POMT1: variants seen among roughly 807,000 people sequenced by gnomAD.
The protein encoded by POMT1 is protein O-mannosyl-transferase 1.
A neutral mutation model predicts 101.6 loss-of-function variants in POMT1; 85 were observed. The observed-to-expected ratio is 0.84, with a 90% confidence interval of 0.70 to 1.00. The LOEUF is 1.00. POMT1 is among the 50% of genes least tolerant of loss of function. The probability of loss-of-function intolerance (pLI) is 0.00; values close to 1 mark genes in which losing one functional copy is unlikely to be tolerated. For synonymous variants in POMT1, 371 were observed against 383.0 expected, an observed-to-expected ratio of 0.97 and a Z score of 0.37; for missense variants, 857 against 930.4, an observed-to-expected ratio of 0.92 and a Z score of 1.03.
chr9:131,513,512 G>C (rs549992033), intron 12 of POMT1, among the ~76,000 whole-genome samples, 181 bp downstream of exon 12: 17 of 152,310 alleles, frequency 1.1e-4, no homozygotes, highest in Middle Eastern at 3.4e-3. Flanking sequence ...CCGCGGAAGG[G>C]AGCGGGGTTA....
intron 4 of POMT1, 80 bp downstream of exon 4, chr9:131,506,533 T>G (rs1399232514): frequency 1.4e-6 from 2 of 1,396,504 alleles, no homozygotes; most frequent in Non-Finnish European, 2.0e-6. Context: ...GATTAACAAC[T>G]GTGGCTTTTT....
At chr9:131,513,599 G>A (rs1947616934) in intron 12 of POMT1, among the ~76,000 whole-genome samples, 2 of 152,202 alleles carry the variant, frequency 1.3e-5, no homozygotes, top group Non-Finnish European at 2.9e-5. Flanking sequence ...AGGGCCCCGT[G>A]GATGAGTGTA....
intron 9 of POMT1, 36 bp downstream of exon 9, chr9:131,510,451 G>T: frequency 6.3e-7 from 1 of 1,599,066 alleles, no homozygotes; most frequent in South Asian, 1.1e-5. Flanking sequence ...CACTGGAGAA[G>T]GAAGATGATA....
chr9:131,518,983 G>A (rs372760953), intron 15 of POMT1, 26 bp downstream of exon 15: 74 of 1,612,654 alleles, frequency 4.6e-5, no homozygotes, highest in Non-Finnish European at 5.3e-5. Flanking sequence ...GGCTTCCGCC[G>A]CTCCTGGAAT....
chr9:131,522,989 G>GT lies in POMT1; in HGVS notation c.2062dup (p.Cys688LeufsTer21). On this transcript the variant is annotated frameshift_variant, in exon 20 of 20. Transcript: ENST00000402686. LOFTEE classifies it high-confidence loss of function. This position sits in a 1 kb window ranked among gnomAD's most constrained non-coding sequence, Gnocchi z 5.5. ...TGGTGGTGGCCTGGTACTCCTCCGC[G>GT]TGCCACGTGTCCAACACGCTGCGCC... The GT allele has an allele frequency of 6.2e-7, 1 of 1,606,914 alleles. No homozygotes were observed. The highest frequency in any genetic ancestry group is 1.3e-5 in the African/African-American group (1 of 74,934).
intron 5 of POMT1, 103 bp downstream of exon 5, chr9:131,507,617 T>G: frequency 1.3e-6 from 2 of 1,515,794 alleles, no homozygotes; most frequent in Non-Finnish European, 1.8e-6. Flanking sequence ...CACCAGAAAG[T>G]GCATCTGGTT....
Position 131,519,277 on chromosome 9 carries a change from G to C in POMT1, c.1487-112G>C. 2 of 1,070,744 alleles carry C rather than the reference G, an allele frequency of 1.9e-6. No individual in the cohort carries two copies. The highest frequency in any genetic ancestry group is 2.7e-5 in the South Asian group (2 of 74,052). The allele number at this position is 1,070,744 out of a possible 1,614,324, so 66.3% of individuals were successfully genotyped here. A position where few individuals can be genotyped will look rare whatever the true frequency, so the allele number is the denominator to read the frequency against. On this transcript the variant is annotated intron_variant, in intron 15 of 19. Coordinates refer to ENST00000402686, the MANE Select transcript of POMT1 (RefSeq NM_001077365.2). This position sits in a 1 kb window ranked among gnomAD's most constrained non-coding sequence, Gnocchi z 4.3. ...AAGTGGAATGATGCGGTTCGATAAG[G>C]GGTCTTTGTTAGAAAGGCAGGAAGC...
intron 1 of POMT1, 56 bp from the exon 2 acceptor site, chr9:131,504,133 C>A: frequency 6.2e-7 from 1 of 1,604,322 alleles, no homozygotes. Flanking sequence ...GCTGGGGATC[C>A]CTTCTGTAGC....
intron 6 of POMT1, 100 bp from the exon 7 acceptor site, chr9:131,509,643 C>T: frequency 6.2e-7 from 1 of 1,607,298 alleles, no homozygotes; most frequent in Non-Finnish European, 8.5e-7. Flanking sequence ...GCATGGCCAG[C>T]CGACCCAGAA....
At chr9:131,516,378 A>G (rs556754064) in intron 13 of POMT1, among the ~76,000 whole-genome samples, 5 of 60,300 alleles carry the variant, frequency 8.3e-5, no homozygotes, top group East Asian at 1.5e-3. Flanking sequence ...TTCCTCTAAC[A>G]GAACACTTCC....
chr9:131,504,115 G>C, intron 1 of POMT1, 74 bp from the exon 2 acceptor site: 1 of 1,567,082 alleles, frequency 6.4e-7, no homozygotes, highest in South Asian at 1.1e-5. Flanking sequence ...GTGTCCGGGA[G>C]CCGGGTGGCT....
intron 13 of POMT1, among the ~76,000 whole-genome samples, chr9:131,517,494 T>C (rs974317717): frequency 6.6e-6 from 1 of 152,172 alleles, no homozygotes; most frequent in South Asian, 2.1e-4. Flanking sequence ...TCCAGGCTGG[T>C]CTTGAACTCC....
rs529709856 is a variant in POMT1 at position 131,522,750 on chromosome 9, G to A, written c.2004-182G>A. Among the ~76,000 whole-genome samples the A allele has an allele frequency of 6.6e-6, 1 of 152,258 alleles. No individual in the cohort carries two copies. The highest frequency in any genetic ancestry group is 1.9e-4 in the East Asian group (1 of 5,184). On this transcript the variant is annotated intron_variant, in intron 19 of 19. Coordinates refer to ENST00000402686, the MANE Select transcript of POMT1 (RefSeq NM_001077365.2). The surrounding 1 kb of genome is among the most constrained non-coding windows in gnomAD (Gnocchi z 5.5). ...TGGAGGCCTGAGGAGTCATCAGGGG[G>A]CCCCTCTCAGTGCATCCAGGTGGGA... is the stretch of plus-strand genomic sequence containing the variant.
chr9:131,522,318 C>T lies in POMT1; in HGVS notation c.2003+94C>T. The T allele has an allele frequency of 6.3e-7, 1 of 1,578,064 alleles. No homozygotes were observed. The highest frequency in any genetic ancestry group is 8.6e-7 in the Non-Finnish European group (1 of 1,167,270). The stretch of plus-strand genomic sequence containing the variant: ...AACACATGGGGTGCAGCGAACCTCA[C>T]CCATTTCACGTTACACTGACATCCT... On this transcript the variant is annotated intron_variant, in intron 19 of 19. Coordinates refer to ENST00000402686, the MANE Select transcript of POMT1 (RefSeq NM_001077365.2). The surrounding 1 kb of genome is among the most constrained non-coding windows in gnomAD (Gnocchi z 5.5).
chr9:131,520,318 G>C lies in POMT1; in HGVS notation c.1698+125G>C, dbSNP rs1488093971. On this transcript the variant is annotated intron_variant, in intron 17 of 19. Coordinates refer to ENST00000402686, the MANE Select transcript of POMT1 (RefSeq NM_001077365.2). ...TTTCTCCCAAGCTTTTCCTGACAAA[G>C]GCCTGTGACTTGGTTTTCTCTAAAC... The C allele has an allele frequency of 9.9e-5, 85 of 861,190 alleles. 1 individual carries two copies. The Admixed American group carries it at 1.7e-3, about 17-fold the overall frequency. 53.3% of individuals were successfully genotyped at this position (861,190 alleles called of 1,614,324 possible). A position where few individuals can be genotyped will look rare whatever the true frequency, so the allele number is the denominator to read the frequency against.
chr9:131,516,635 C>T (rs1359619275), intron 13 of POMT1: 1 of 152,630 alleles, frequency 6.6e-6, no homozygotes, highest in Non-Finnish European at 1.5e-5. Context: ...CTTGGTGGAA[C>T]TGGGGAACCT....
Position 131,523,675 on chromosome 9 carries a change from C to T in POMT1, c.*569C>T, listed in dbSNP as rs895531128. 5.4e-5 allele frequency: 9 copies of T among 166,282 alleles called. No homozygotes were observed. Among genetic ancestry groups the T allele is most frequent in the Admixed American group, 5.0e-4 (9 of 18,178 alleles). 10.3% of individuals were successfully genotyped at this position (166,282 alleles called of 1,614,324 possible). A position where few individuals can be genotyped will look rare whatever the true frequency, so the allele number is the denominator to read the frequency against. ...TGGCACCGTGCTGTGTGGAAACCCT[C>T]CCCTCTGAGACTCCACTGAGACGTG... On this transcript the variant is annotated 3_prime_UTR_variant, in exon 20 of 20. Coordinates refer to ENST00000402686, the MANE Select transcript of POMT1 (RefSeq NM_001077365.2).
intron 1 of POMT1, 126 bp from the exon 2 acceptor site, chr9:131,504,063 C>T (rs1229735895): frequency 2.7e-6 from 3 of 1,123,488 alleles, no homozygotes; most frequent in Non-Finnish European, 4.0e-6. Context: ...CCAGGAACTT[C>T]GGTCTTTCTC....
At chr9:131,507,265 T>G in intron 4 of POMT1, 103 bp from the exon 5 acceptor site, 4 of 1,569,574 alleles carry the variant, frequency 2.5e-6, no homozygotes, top group Non-Finnish European at 3.5e-6. Flanking sequence ...ACGTGCATTT[T>G]AGAGTCTGTG....
Sources: allele counts gnomAD v4.1 joint callset (sites outside exome capture counted in the v4.1 genomes callset), GRCh38; gene constraint gnomAD v4.1.1; non-coding constraint Gnocchi (gnomAD v3.1); transcripts MANE v1.5; gene names NCBI Gene and HGNC (gene_info 2026-07-23, HGNC 2026-07-21).